HCN1: variants seen among roughly 807,000 people sequenced by gnomAD.
HCN1 encodes potassium/sodium hyperpolarization-activated cyclic nucleotide-gated channel 1.
HCN1 carries 13 observed loss-of-function variants against 78.9 expected under a neutral mutation model. The ratio of observed to expected loss-of-function variants is 0.16; its 90% CI spans 0.11 to 0.26. HCN1 has a LOEUF of 0.26. HCN1 is among the 10% of genes least tolerant of loss of function. HCN1 has a pLI of 1.00. For missense variants in HCN1, 810 were observed against 1,154.3 expected, an observed-to-expected ratio of 0.70 and a Z score of 4.32; for synonymous variants, 552 against 455.5, an observed-to-expected ratio of 1.21 and a Z score of -2.70.
chr5:45,352,957 G>A (rs574548487), intron 5 of HCN1, 143 bp downstream of exon 5: 2 of 656,668 alleles, frequency 3.0e-6, no homozygotes, highest in Non-Finnish European at 5.3e-6. Flanking sequence ...GCTTATGTAG[G>A]TGAGAAGCTA....
At chr5:45,338,941 C>G (rs746161860) in intron 5 of HCN1, among the ~76,000 whole-genome samples, 2 of 152,062 alleles carry the variant, frequency 1.3e-5, no homozygotes, top group East Asian at 1.9e-4. Context: ...AAACTGTTAA[C>G]TTATGTATAG....
At chr5:45,673,274 T>C (rs1345276332) in intron 1 of HCN1, among the ~76,000 whole-genome samples, 1 of 151,600 alleles carries the variant, frequency 6.6e-6, no homozygotes, top group African/African-American at 2.4e-5. Context: ...GTATATACTA[T>C]CAACATGACT....
At chr5:45,386,188 T>G (rs977892798) in intron 4 of HCN1, among the ~76,000 whole-genome samples, 15 of 151,528 alleles carry the variant, frequency 9.9e-5, no homozygotes, top group African/African-American at 3.4e-4. Context: ...GATTTTTTTT[T>G]TTTTTTGGAC....
chr5:45,319,883 T>G (rs2111933830), intron 5 of HCN1, among the ~76,000 whole-genome samples: 1 of 152,064 alleles, frequency 6.6e-6, no homozygotes, highest in Non-Finnish European at 1.5e-5. Flanking sequence ...TAAGGTTCCT[T>G]TAGCACTGTA....
At chr5:45,451,321 A>C (rs115653752) in intron 3 of HCN1, among the ~76,000 whole-genome samples, 1,836 of 152,246 alleles carry the variant, frequency 0.012, 29 homozygotes, top group African/African-American at 0.042. Context: ...GTATAATCAG[A>C]ACAGAAAAAT....
Position 45,396,683 on chromosome 5 carries a change from A to G in HCN1, c.1039T>C (p.Tyr347His). ...VNDSWGKQYS[Y>H]ALFKAMSHML... ...TGACTCATAGCTTTGAAGAGTGCGTATGAATACTGCTTTCCCCAAGAATCA... is the reference window on the plus strand; with the variant it reads ...TGACTCATAGCTTTGAAGAGTGCGTGTGAATACTGCTTTCCCCAAGAATCA... The change falls in exon 4 of 8, where the codon TAC becomes CAC. Residue 347 changes from tyrosine to histidine, a missense_variant. Physicochemically the swap from Tyr to His is moderately conservative, Grantham distance 83. Around this residue, in one of 6 missense-constraint regions of HCN1, gnomAD observed 104 missense variants for 402.8 expected, o/e 0.26. Coordinates refer to ENST00000303230, the MANE Select transcript of HCN1 (RefSeq NM_021072.4). The G allele has an allele frequency of 6.2e-7, 1 of 1,613,886 alleles. No homozygotes were observed. The highest frequency in any genetic ancestry group is 8.5e-7 in the Non-Finnish European group (1 of 1,179,836).
intron 2 of HCN1, among the ~76,000 whole-genome samples, chr5:45,465,398 G>T (rs552490475): frequency 6.7e-4 from 102 of 152,062 alleles, no homozygotes; most frequent in Admixed American, 1.1e-3. Context: ...TCCCCGACTA[G>T]CAATACACTT....
intron 4 of HCN1, among the ~76,000 whole-genome samples, chr5:45,355,980 T>C (rs990933804): frequency 1.3e-5 from 2 of 152,012 alleles, no homozygotes; most frequent in Admixed American, 6.6e-5. Flanking sequence ...TTTTGTCTGT[T>C]TCTCCCACAC....
chr5:45,322,681 C>T (rs190379084), intron 5 of HCN1, among the ~76,000 whole-genome samples: 120 of 151,862 alleles, frequency 7.9e-4, no homozygotes, highest in Middle Eastern at 3.4e-3. Context: ...ACCTGTCCCA[C>T]GAAGTCAAGT....
At chr5:45,449,112 A>G (rs1740857130) in intron 3 of HCN1, among the ~76,000 whole-genome samples, 1 of 152,170 alleles carries the variant, frequency 6.6e-6, no homozygotes, top group African/African-American at 2.4e-5. Flanking sequence ...CTGAAATAAA[A>G]TCGTTTTATT....
At chr5:45,439,522 T>G (rs1740630418) in intron 3 of HCN1, among the ~76,000 whole-genome samples, 1 of 152,128 alleles carries the variant, frequency 6.6e-6, no homozygotes, top group Non-Finnish European at 1.5e-5. Context: ...CGGCAAAGAC[T>G]GTAAATTAAT....
At position 45,255,285 on chromosome 5, in the gene HCN1, A is replaced by C. The variant is rs1313813538; in HGVS notation, c.*6636T>G. 1 of 152,170 alleles carries C rather than the reference A, an allele frequency of 6.6e-6. No individual in the cohort carries two copies. The highest frequency in any genetic ancestry group is 1.5e-5 in the Non-Finnish European group (1 of 68,026). 9.4% of individuals were successfully genotyped at this position (152,170 alleles called of 1,614,324 possible). On this transcript the variant is annotated 3_prime_UTR_variant, in exon 8 of 8. Coordinates refer to ENST00000303230, the MANE Select transcript of HCN1 (RefSeq NM_021072.4). ...GCTTTCCTTGTCTAGCCAAGATCCC[A>C]TGCTATGTTGACTTGTCATCTCCAG...
rs574720936 is a variant in HCN1 at position 45,377,417 on chromosome 5, TC to T, written c.1230+19074del. Among the ~76,000 whole-genome samples, 276 of 152,100 alleles carry T rather than the reference TC, an allele frequency of 1.8e-3. 1 individual carries two copies. The highest frequency in any genetic ancestry group is 6.6e-3 in the African/African-American group (273 of 41,534). On this transcript the variant is annotated intron_variant, in intron 4 of 7. Coordinates refer to ENST00000303230, the MANE Select transcript of HCN1 (RefSeq NM_021072.4). ...AAACAAATGTGTTTATTAAAAATGA[TC>T]TTTTTTGCTTCTTTCTTTGTGGTCT...
intron 3 of HCN1, among the ~76,000 whole-genome samples, chr5:45,407,272 G>A (rs549489850): frequency 9.2e-5 from 14 of 151,964 alleles, no homozygotes; most frequent in Non-Finnish European, 2.1e-4. Flanking sequence ...AGCACAATGC[G>A]TCACTCATCT....
chr5:45,297,262 G>A (rs1260184532), intron 6 of HCN1, among the ~76,000 whole-genome samples: 1 of 152,126 alleles, frequency 6.6e-6, no homozygotes, highest in African/African-American at 2.4e-5. Flanking sequence ...TCATGCTATT[G>A]TTTGTGGCTT....
chr5:45,645,157 A>G (rs1486494758), intron 2 of HCN1, 28 bp downstream of exon 2: 2 of 1,528,542 alleles, frequency 1.3e-6, no homozygotes, highest in East Asian at 4.5e-5. Flanking sequence ...CATGATATAG[A>G]TTTAAAAAAG....
chr5:45,387,457 C>T (rs191790372), intron 4 of HCN1, among the ~76,000 whole-genome samples: 57 of 151,992 alleles, frequency 3.8e-4, no homozygotes, highest in Middle Eastern at 6.9e-3. Flanking sequence ...AAATATTTTA[C>T]ATACTGAATT....
At chr5:45,630,958 T>C (rs1745260530) in intron 2 of HCN1, among the ~76,000 whole-genome samples, 1 of 152,172 alleles carries the variant, frequency 6.6e-6, no homozygotes, top group Admixed American at 6.6e-5. Flanking sequence ...GAATAATCAA[T>C]TAATGGGTCA....
At chr5:45,512,349 C>T (rs1192466743) in intron 2 of HCN1, among the ~76,000 whole-genome samples, 1 of 152,014 alleles carries the variant, frequency 6.6e-6, no homozygotes, top group African/African-American at 2.4e-5. Flanking sequence ...ATAAGTTGAA[C>T]AGCACTTATG....
Sources: allele counts gnomAD v4.1 joint callset (sites outside exome capture counted in the v4.1 genomes callset), GRCh38; gene constraint gnomAD v4.1.1; regional missense constraint gnomAD v4.1.1; transcripts MANE v1.5; gene names NCBI Gene and HGNC (gene_info 2026-07-23, HGNC 2026-07-21).